CORIN: variants seen among roughly 807,000 people sequenced by gnomAD.
The protein encoded by CORIN is atrial natriuretic peptide-converting enzyme.
A neutral mutation model predicts 125.3 loss-of-function variants in CORIN; 117 were observed. The observed-to-expected ratio is 0.93, with a 90% CI of 0.80 to 1.09. The LOEUF is 1.09. CORIN is among the 50% of genes least tolerant of loss of function. CORIN has a pLI of 0.00. For synonymous variants in CORIN, 450 were observed against 466.4 expected, an observed-to-expected ratio of 0.96 and a Z score of 0.45; for missense variants, 1,253 against 1,306.7, an observed-to-expected ratio of 0.96 and a Z score of 0.63.
intron 3 of CORIN, among the ~76,000 whole-genome samples, chr4:47,776,995 AGAATT>A (rs1289987790): frequency 1.3e-5 from 2 of 152,230 alleles, no homozygotes; most frequent in Non-Finnish European, 2.9e-5. Flanking sequence ...AAAAATAAAA[AGAATT>A]GAAATCGATC....
At chr4:47,697,282 G>A (rs573817308) in intron 5 of CORIN, among the ~76,000 whole-genome samples, 124 of 152,064 alleles carry the variant, frequency 8.2e-4, no homozygotes, top group Non-Finnish European at 1.7e-3. Context: ...AAAATCTAAG[G>A]GTGTGCTCAA....
intron 13 of CORIN, among the ~76,000 whole-genome samples, chr4:47,650,669 A>C (rs1363432823): frequency 1.3e-5 from 2 of 152,202 alleles, no homozygotes. Flanking sequence ...AATGCTTGGA[A>C]AATGTTACGT....
At chr4:47,831,313 A>G (rs1424012577) in intron 1 of CORIN, 2 of 152,332 alleles carry the variant, frequency 1.3e-5, no homozygotes, top group East Asian at 3.8e-4. Context: ...GGAAGGCATA[A>G]TTAATGGGCA....
At chr4:47,623,825 G>A (rs1722441528) in intron 18 of CORIN, 74 bp downstream of exon 18, 3 of 1,606,484 alleles carry the variant, frequency 1.9e-6, no homozygotes, top group Non-Finnish European at 1.7e-6. Flanking sequence ...TCACTTACAA[G>A]CGATCACTCT....
chr4:47,627,611 C>T (rs866963170), intron 16 of CORIN, among the ~76,000 whole-genome samples: 1 of 152,024 alleles, frequency 6.6e-6, no homozygotes, highest in African/African-American at 2.4e-5. Context: ...TTTTTCTTGG[C>T]CAAAATGAAT....
intron 3 of CORIN, among the ~76,000 whole-genome samples, chr4:47,782,043 A>G (rs1730571573): frequency 6.6e-6 from 1 of 152,184 alleles, no homozygotes; most frequent in Admixed American, 6.5e-5. Flanking sequence ...GTAAATATTT[A>G]CACACCTAAT....
chr4:47,666,223 G>A (rs1044705288), intron 10 of CORIN, among the ~76,000 whole-genome samples: 8 of 152,126 alleles, frequency 5.3e-5, no homozygotes, highest in Non-Finnish European at 1.5e-5. Context: ...TAGCGTCTTA[G>A]GCACATACCC....
intron 10 of CORIN, among the ~76,000 whole-genome samples, chr4:47,669,585 T>G (rs71614004): frequency 0.15 from 22,585 of 149,178 alleles, 1,792 homozygotes; most frequent in South Asian, 0.23. Flanking sequence ...TTTTTTTTTT[T>G]TGTGACAGAG....
chr4:47,786,275 C>T (rs1262438470), intron 3 of CORIN, among the ~76,000 whole-genome samples: 2 of 152,008 alleles, frequency 1.3e-5, no homozygotes, highest in African/African-American at 4.8e-5. Context: ...TGGCTCACGC[C>T]TGTAATCCTG....
At chr4:47,739,944 A>G (rs1201354672) in intron 5 of CORIN, among the ~76,000 whole-genome samples, 1 of 151,986 alleles carries the variant, frequency 6.6e-6, no homozygotes, top group Non-Finnish European at 1.5e-5. Context: ...AAAATAGCCA[A>G]GCAACAAGAA....
chr4:47,755,999 C>A (rs1240560671), intron 4 of CORIN, among the ~76,000 whole-genome samples: 1 of 152,088 alleles, frequency 6.6e-6, no homozygotes, highest in African/African-American at 2.4e-5. Flanking sequence ...AATGGGTATA[C>A]AATGATGTAC....
rs116039143 is a variant in CORIN, at chr4:47,801,268, C to T, written c.208+5635G>A. On this transcript the variant is annotated intron_variant, in intron 2 of 21. Transcript: ENST00000273857. ...AAGTATCTCTAATACACAAATCAAC[C>T]TTCCAATCTTTATTTCATCTGCCTG... Among the ~76,000 whole-genome samples the T allele has an allele frequency of 7.4e-3, 1,131 of 152,286 alleles. 13 individuals carry two copies. Among genetic ancestry groups the T allele is most frequent in the African/African-American group, 0.026 (1,068 of 41,552 alleles).
chr4:47,634,046 A>T (rs1722935526), intron 16 of CORIN, among the ~76,000 whole-genome samples: 1 of 152,226 alleles, frequency 6.6e-6, no homozygotes, highest in African/African-American at 2.4e-5. Flanking sequence ...CATTTTAAAA[A>T]TGCCTAAAAT....
intron 9 of CORIN, among the ~76,000 whole-genome samples, chr4:47,676,301 AC>A (rs1474099878): frequency 6.6e-6 from 1 of 152,040 alleles, no homozygotes; most frequent in Admixed American, 6.6e-5. Flanking sequence ...CATGCCTTGC[AC>A]CTTCCCACCA....
intron 19 of CORIN, among the ~76,000 whole-genome samples, chr4:47,610,005 C>T (rs1252732758): frequency 1.3e-5 from 2 of 152,118 alleles, no homozygotes; most frequent in African/African-American, 2.4e-5. Context: ...AGTCTATCAT[C>T]GATGGGCATT....
rs768342404 is a variant in CORIN at position 47,786,761 on chromosome 4, C to T, written c.373G>A (p.Ala125Thr). ...DQHVPAWTTD[A>T]SLPGDQSHRN... is the part of the protein sequence containing the mutation. ...TGACTTTGGTCCCCTGGGAGAGAAG[C>T]ATCCGTAGTCCAGGCTGGAACGTGT... The change falls in exon 3 of 22, where the codon GCT becomes ACT. Residue 125 changes from alanine (A) to threonine (T), a missense_variant. Transcript: ENST00000273857. 1.9e-6 allele frequency: 3 copies of T among 1,614,048 alleles called. No individual in the cohort carries two copies. Among genetic ancestry groups the T allele is most frequent in the Admixed American group, 3.3e-5 (2 of 59,994 alleles).
At chr4:47,823,775 G>A (rs1732621144) in intron 1 of CORIN, among the ~76,000 whole-genome samples, 1 of 152,106 alleles carries the variant, frequency 6.6e-6, no homozygotes, top group Non-Finnish European at 1.5e-5. Context: ...CCATGTCCCA[G>A]CCCCAGCTGC....
intron 17 of CORIN, 106 bp downstream of exon 17, chr4:47,626,297 GAT>G: frequency 1.4e-6 from 1 of 725,208 alleles, no homozygotes; most frequent in South Asian, 1.6e-5. Context: ...ACTCTTTACT[GAT>G]ATGACAAATT....
At chr4:47,693,212 T>C (rs1370123810) in intron 5 of CORIN, 129 bp from the exon 6 acceptor site, 2 of 656,248 alleles carry the variant, frequency 3.0e-6, no homozygotes, top group Non-Finnish European at 5.2e-6. Context: ...TCCCTCAGTT[T>C]TATTGTCATC....
Sources: gnomAD v4.1 joint callset for allele counts (sites outside exome capture counted in the v4.1 genomes callset) on GRCh38, gnomAD v4.1.1 for gene constraint, MANE v1.5 for transcripts, NCBI Gene and HGNC (gene_info 2026-07-23, HGNC 2026-07-21) for gene names.